Variants in ZFAT observed in about 807,000 individuals in gnomAD.
ZFAT encodes the protein zinc finger protein ZFAT.
Under a neutral mutation model 117.7 loss-of-function variants are expected in ZFAT, and 64 were observed. The ratio of observed to expected loss-of-function variants is 0.54; its 90% CI spans 0.44 to 0.67. The LOEUF is 0.67. ZFAT is among the 30% of genes least tolerant of loss of function. The probability of loss-of-function intolerance (pLI) is 0.00; values close to 1 mark genes in which losing one functional copy is unlikely to be tolerated. For synonymous variants in ZFAT, 679 were observed against 615.0 expected, an observed-to-expected ratio of 1.10 and a Z score of -1.54; for missense variants, 1,433 against 1,584.5, an observed-to-expected ratio of 0.90 and a Z score of 1.62.
the ZFAT span, among the ~76,000 whole-genome samples, chr8:134,719,840 G>A: frequency 1.3e-5 from 2 of 152,164 alleles, no homozygotes; most frequent in Admixed American, 6.5e-5. Context: ...CACTCTTTCA[G>A]CCGTTTTTGG....
intron 15 of ZFAT, among the ~76,000 whole-genome samples, chr8:134,488,809 C>T (rs1444079534): frequency 6.6e-6 from 1 of 152,056 alleles, no homozygotes; most frequent in Non-Finnish European, 1.5e-5. Context: ...TGACACTGGT[C>T]TGTAACACTG....
At chr8:134,568,710 A>C (rs1411870987) in intron 10 of ZFAT, among the ~76,000 whole-genome samples, 1 of 152,226 alleles carries the variant, frequency 6.6e-6, no homozygotes, top group East Asian at 1.9e-4. Context: ...TCCCTTACTG[A>C]AGCATCAGAG....
chr8:134,782,694 T>C, the ZFAT span, among the ~76,000 whole-genome samples: 1 of 152,116 alleles, frequency 6.6e-6, no homozygotes, highest in South Asian at 2.1e-4. Flanking sequence ...TTCATTCTCT[T>C]GTCTGCTGCC....
At chr8:134,677,047 G>A (rs1394313478) in intron 1 of ZFAT, among the ~76,000 whole-genome samples, 1 of 151,748 alleles carries the variant, frequency 6.6e-6, no homozygotes, top group South Asian at 2.1e-4. Flanking sequence ...CTAGAGAAGA[G>A]CAAACAAATT....
chr8:134,796,681 T>C, the ZFAT span: 3 of 151,916 alleles, frequency 2.0e-5, no homozygotes, highest in Admixed American at 6.6e-5. Context: ...AAAAAAAAAA[T>C]CTGAAATTTA....
chr8:134,487,704 G>A (rs1817749922), intron 15 of ZFAT, among the ~76,000 whole-genome samples: 1 of 152,096 alleles, frequency 6.6e-6, no homozygotes, highest in Admixed American at 6.5e-5. Flanking sequence ...TTTTCCCAAA[G>A]ATCCCTTCTT....
chr8:134,790,810 T>C, the ZFAT span, among the ~76,000 whole-genome samples: 2 of 151,414 alleles, frequency 1.3e-5, no homozygotes, highest in Admixed American at 6.6e-5. Flanking sequence ...AGCCCAGGAG[T>C]TCGAGACCAG....
At position 134,608,808 on chromosome 8, in the gene ZFAT, C is replaced by T. The variant is rs1002864690; in HGVS notation, c.706G>A (p.Ala236Thr). The T allele has an allele frequency of 2.5e-6, 4 of 1,610,322 alleles. No individual in the cohort carries two copies. In the African/African-American group the frequency reaches 4.0e-5, roughly 16 times the overall value. ...TGATNSETTS[A>T]DLVPRRGYQE... ...TAGCCTCTCCGAGGCACCAGGTCTG[C>T]TGAAGTGGTCTCAGAATTTGTAGCT... is the stretch of plus-strand genomic sequence containing the variant. The change falls in exon 5 of 16, where the codon GCA (alanine) becomes ACA (threonine). Residue 236 changes from alanine (A) to threonine (T), a missense_variant. By Grantham distance (58) the Ala-to-Thr change is moderately conservative (BLOSUM62 0). Around this residue, in one of 5 missense-constraint regions of ZFAT, gnomAD observed 436 missense variants for 482.0 expected, o/e 0.90. Transcript: ENST00000377838.
intron 11 of ZFAT, among the ~76,000 whole-genome samples, chr8:134,539,505 A>G (rs1822091812): frequency 6.6e-6 from 1 of 152,236 alleles, no homozygotes; most frequent in South Asian, 2.1e-4. Context: ...AAAGTGCCAG[A>G]TGACACTAGT....
At chr8:134,676,274 A>C (rs1255806569) in intron 1 of ZFAT, among the ~76,000 whole-genome samples, 1 of 151,754 alleles carries the variant, frequency 6.6e-6, no homozygotes, top group Admixed American at 6.6e-5. Context: ...AAAAAAAAAA[A>C]AAAATCCCAG....
At chr8:134,490,403 C>G (rs562628123) in intron 15 of ZFAT, among the ~76,000 whole-genome samples, 2 of 152,334 alleles carry the variant, frequency 1.3e-5, no homozygotes, top group Admixed American at 1.3e-4. Flanking sequence ...ACGAAGAGGA[C>G]TAAAGACTCA....
intron 11 of ZFAT, among the ~76,000 whole-genome samples, chr8:134,541,037 G>A (rs1822213637): frequency 6.6e-6 from 1 of 152,174 alleles, no homozygotes. Flanking sequence ...TCCGGGCCCT[G>A]GGTTCCACGT....
chr8:134,581,311 A>G (rs1013968366), intron 10 of ZFAT, among the ~76,000 whole-genome samples: 11 of 152,162 alleles, frequency 7.2e-5, no homozygotes, highest in Non-Finnish European at 1.0e-4. Context: ...CAAATAATGA[A>G]GTACAGCAGC....
the ZFAT span, chr8:134,794,893 T>C: frequency 6.6e-6 from 1 of 152,246 alleles, no homozygotes; most frequent in East Asian, 1.9e-4. Context: ...TAGCACTTAC[T>C]AAACAACTTT....
At chr8:134,773,264 A>G in the ZFAT span, among the ~76,000 whole-genome samples, 4 of 152,208 alleles carry the variant, frequency 2.6e-5, no homozygotes, top group Non-Finnish European at 5.9e-5. Flanking sequence ...TATAAATGGA[A>G]CAATGAAACC....
chr8:134,818,296 A>AT, the ZFAT span, among the ~76,000 whole-genome samples: 18 of 152,174 alleles, frequency 1.2e-4, no homozygotes, highest in African/African-American at 2.9e-4. Flanking sequence ...AACCAACCAG[A>AT]TTTTTTTAAC....
chr8:134,537,303 G>C (rs1821911860), intron 11 of ZFAT, among the ~76,000 whole-genome samples: 1 of 152,222 alleles, frequency 6.6e-6, no homozygotes, highest in Non-Finnish European at 1.5e-5. Flanking sequence ...CCCAGGCCCA[G>C]CCAACAGTAA....
intron 11 of ZFAT, among the ~76,000 whole-genome samples, chr8:134,552,017 A>G (rs1823205541): frequency 1.3e-5 from 2 of 152,224 alleles, no homozygotes; most frequent in Admixed American, 6.5e-5. Flanking sequence ...TAATCCAATT[A>G]AAACATAATT....
At position 134,543,056 on chromosome 8, in the gene ZFAT, T is replaced by C. The variant is rs1390160576; in HGVS notation, c.2977-10084A>G. 2.0e-5 allele frequency among the ~76,000 whole-genome samples: 3 copies of C among 150,852 alleles called. No homozygotes were observed. The South Asian group carries it at 6.3e-4, about 32-fold the overall frequency. ...CTGCACAGAAGAAGAGATGGGATCA[T>C]GTACAAATCCCCAGATGACCTGCCC... is the stretch of plus-strand genomic sequence containing the variant. On this transcript the variant is annotated intron_variant, in intron 11 of 15. Coordinates refer to ENST00000377838, the MANE Select transcript of ZFAT (RefSeq NM_020863.4).
Sources: allele counts gnomAD v4.1 joint callset (sites outside exome capture counted in the v4.1 genomes callset), GRCh38; gene constraint gnomAD v4.1.1; regional missense constraint gnomAD v4.1.1; transcripts MANE v1.5; gene names NCBI Gene and HGNC (gene_info 2026-07-23, HGNC 2026-07-21).